ADK: variants seen among roughly 807,000 people sequenced by gnomAD.
ADK encodes adenosine kinase.
Under a neutral mutation model 44.7 loss-of-function variants are expected in ADK, and 24 were observed. That is an observed-to-expected ratio of 0.54 (90% CI 0.39 to 0.76). The LOEUF is 0.76. Ranked by LOEUF, ADK falls within the 30% of genes least tolerant of loss-of-function variation. The probability of loss-of-function intolerance (pLI) is 0.00; values close to 1 mark genes in which losing one functional copy is unlikely to be tolerated. For synonymous variants in ADK, 128 were observed against 142.6 expected (o/e 0.90, Z 0.73); for missense variants, 321 against 425.1 (o/e 0.76, Z 2.15).
intron 3 of ADK, among the ~76,000 whole-genome samples, chr10:74,283,611 A>G (rs1480042330): frequency 1.8e-5 from 2 of 111,360 alleles, no homozygotes; most frequent in Non-Finnish European, 3.8e-5. Context: ...TTTGACTTTT[A>G]TGTTTGTTGC....
chr10:74,639,047 G>A (rs1004409388), intron 9 of ADK, among the ~76,000 whole-genome samples: 8 of 152,132 alleles, frequency 5.3e-5, no homozygotes, highest in African/African-American at 1.9e-4. Context: ...GGACTCAGGT[G>A]ATCCACCCAC....
chr10:74,574,879 C>G (rs1851131014), intron 7 of ADK, among the ~76,000 whole-genome samples: 1 of 152,116 alleles, frequency 6.6e-6, no homozygotes, highest in African/African-American at 2.4e-5. Context: ...CTAGAATAAT[C>G]AAATTAACTC....
chr10:74,266,511 G>A (rs1335201876), intron 3 of ADK, among the ~76,000 whole-genome samples: 1 of 151,962 alleles, frequency 6.6e-6, no homozygotes, highest in Admixed American at 6.6e-5. Flanking sequence ...ATCGGAGATC[G>A]CGCCACTGCA....
chr10:74,211,413 A>C (rs1289139548), intron 2 of ADK, among the ~76,000 whole-genome samples: 2 of 152,180 alleles, frequency 1.3e-5, no homozygotes, highest in Non-Finnish European at 2.9e-5. Context: ...ATAACATGTA[A>C]AATTTAAATA....
chr10:74,573,054 G>A (rs1294949429), intron 7 of ADK, among the ~76,000 whole-genome samples: 8 of 152,304 alleles, frequency 5.3e-5, no homozygotes, highest in East Asian at 1.9e-4. Context: ...GAGGAGCTGC[G>A]TTCCTTTGGA....
intron 2 of ADK, among the ~76,000 whole-genome samples, chr10:74,204,356 T>C (rs1188019602): frequency 6.6e-6 from 1 of 152,248 alleles, no homozygotes; most frequent in Non-Finnish European, 1.5e-5. Context: ...TTGATGCCAT[T>C]GTAAATTGGG....
chr10:74,498,027 C>T (rs1288601673), intron 6 of ADK, among the ~76,000 whole-genome samples: 1 of 151,926 alleles, frequency 6.6e-6, no homozygotes, highest in Non-Finnish European at 1.5e-5. Flanking sequence ...GTAGCTGGGA[C>T]TACAGGCACC....
At chr10:74,414,869 G>A (rs960876338) in intron 6 of ADK, among the ~76,000 whole-genome samples, 2 of 152,208 alleles carry the variant, frequency 1.3e-5, no homozygotes, top group African/African-American at 4.8e-5. Flanking sequence ...CTCCAAATTG[G>A]AGAATGTACT....
At chr10:74,604,630 A>G (rs1852253992) in intron 9 of ADK, among the ~76,000 whole-genome samples, 1 of 152,170 alleles carries the variant, frequency 6.6e-6, no homozygotes, top group Non-Finnish European at 1.5e-5. Context: ...TTTTCATACC[A>G]GTACCATGCT....
At chr10:74,640,212 G>A (rs1411909642) in intron 9 of ADK, among the ~76,000 whole-genome samples, 1 of 152,202 alleles carries the variant, frequency 6.6e-6, no homozygotes, top group Non-Finnish European at 1.5e-5. Context: ...GGACTAATGA[G>A]GCAGGGCCTT....
intron 9 of ADK, among the ~76,000 whole-genome samples, chr10:74,644,459 T>C (rs1853988524): frequency 6.6e-6 from 1 of 152,242 alleles, no homozygotes; most frequent in Non-Finnish European, 1.5e-5. Flanking sequence ...ATTTAGGATT[T>C]AAACCAAGTA....
At chr10:74,406,429 A>G (rs1217659322) in intron 6 of ADK, among the ~76,000 whole-genome samples, 1 of 151,540 alleles carries the variant, frequency 6.6e-6, no homozygotes, top group Non-Finnish European at 1.5e-5. Flanking sequence ...GGTTTTTTAT[A>G]GTTTCATTCA....
chr10:74,274,549 A>G lies in ADK; in HGVS notation c.195-40118A>G, dbSNP rs558767267. ...TTGCAGCTCCAGCCTGGGCGACAAG[A>G]GCAAGACTCTGTCTTAAAAAAAAAG... On this transcript the variant is annotated intron_variant, in intron 3 of 10. Transcript: ENST00000539909. Among the ~76,000 whole-genome samples, 5 of 151,414 alleles carry G rather than the reference A, an allele frequency of 3.3e-5. No homozygotes were observed. In the South Asian group the frequency reaches 1.0e-3, roughly 32 times the overall value.
At chr10:74,284,289 C>A (rs574566331) in intron 3 of ADK, among the ~76,000 whole-genome samples, 4 of 139,944 alleles carry the variant, frequency 2.9e-5, no homozygotes, top group African/African-American at 1.1e-4. Context: ...TTTTTTGAGA[C>A]GGAATTTTGC....
At chr10:74,666,014 A>G (rs1854946517) in intron 9 of ADK, among the ~76,000 whole-genome samples, 1 of 152,178 alleles carries the variant, frequency 6.6e-6, no homozygotes, top group Non-Finnish European at 1.5e-5. Flanking sequence ...TAAAATATAT[A>G]GTTAATTTAG....
At chr10:74,631,140 A>C (rs1201833744) in intron 9 of ADK, among the ~76,000 whole-genome samples, 1 of 152,106 alleles carries the variant, frequency 6.6e-6, no homozygotes, top group African/African-American at 2.4e-5. Flanking sequence ...CCAGCCATGA[A>C]ATAGGAATTT....
chr10:74,548,936 T>C (rs910877489), intron 7 of ADK, among the ~76,000 whole-genome samples: 1 of 152,220 alleles, frequency 6.6e-6, no homozygotes, highest in Non-Finnish European at 1.5e-5. Flanking sequence ...TTGGACTTCC[T>C]GCCTTCCCTT....
At chr10:74,176,603 C>T (rs1045530360) in intron 1 of ADK, 46 of 1,383,026 alleles carry the variant, frequency 3.3e-5, no homozygotes, top group Non-Finnish European at 4.2e-5. Context: ...CGCTAGCCCG[C>T]GCGCCAGTGA....
chr10:74,296,184 T>A (rs1839807130), intron 3 of ADK, among the ~76,000 whole-genome samples: 1 of 152,116 alleles, frequency 6.6e-6, no homozygotes, highest in Non-Finnish European at 1.5e-5. Context: ...ATAAAAAATT[T>A]TTTTTATGCA....
Sources: gnomAD v4.1 joint callset for allele counts (sites outside exome capture counted in the v4.1 genomes callset) on GRCh38, gnomAD v4.1.1 for gene constraint, MANE v1.5 for transcripts, NCBI Gene and HGNC (gene_info 2026-07-23, HGNC 2026-07-21) for gene names.